Variants in NAA60 observed in about 807,000 individuals in gnomAD.
The protein encoded by NAA60 is N-alpha-acetyltransferase 60.
Under a neutral mutation model 26.1 loss-of-function variants are expected in NAA60, and 8 were observed. The observed-to-expected ratio is 0.31, with a 90% confidence interval of 0.18 to 0.55. NAA60 has a LOEUF of 0.55. Ranked by LOEUF, NAA60 falls within the 20% of genes least tolerant of loss-of-function variation. The pLI is 0.93. For missense variants in NAA60, 290 were observed against 311.3 expected, an observed-to-expected ratio of 0.93 and a Z score of 0.51; for synonymous variants, 131 against 122.5, an observed-to-expected ratio of 1.07 and a Z score of -0.46.
chr16:3,465,279 A>AG (rs1428870564), intron 2 of NAA60, among the ~76,000 whole-genome samples: 3 of 150,654 alleles, frequency 2.0e-5, no homozygotes, highest in South Asian at 2.1e-4. Flanking sequence ...AAAAAAAAAA[A>AG]AAAAGAAAAG....
At chr16:3,483,332 G>A (rs762210897) in intron 5 of NAA60, 31 bp from the exon 6 acceptor site, 1 of 1,516,104 alleles carries the variant, frequency 6.6e-7, no homozygotes, top group Non-Finnish European at 9.0e-7. Flanking sequence ...TAACTGCTCT[G>A]CCTGCATTAC....
intron 1 of NAA60, among the ~76,000 whole-genome samples, chr16:3,448,165 T>G (rs1567360050): frequency 6.6e-6 from 1 of 151,856 alleles, no homozygotes; most frequent in Non-Finnish European, 1.5e-5. Flanking sequence ...TTCCAGCTAC[T>G]TTAGAGGCTG....
intron 2 of NAA60, among the ~76,000 whole-genome samples, chr16:3,451,649 G>A (rs1285376907): frequency 1.3e-5 from 2 of 152,198 alleles, no homozygotes; most frequent in African/African-American, 4.8e-5. Flanking sequence ...CAGGTGTGGT[G>A]GCTCACACCT....
intron 2 of NAA60, among the ~76,000 whole-genome samples, chr16:3,460,667 C>A (rs2035330487): frequency 6.6e-6 from 1 of 152,152 alleles, no homozygotes; most frequent in South Asian, 2.1e-4. Context: ...ATCCAGCCCG[C>A]CCTCATGGCT....
chr16:3,465,478 A>G (rs900464218), intron 2 of NAA60, among the ~76,000 whole-genome samples: 1 of 152,044 alleles, frequency 6.6e-6, no homozygotes, highest in Non-Finnish European at 1.5e-5. Flanking sequence ...ACAAAAGGTG[A>G]GTCGTCCTTC....
intron 2 of NAA60, among the ~76,000 whole-genome samples, chr16:3,453,759 C>T (rs2034874314): frequency 6.6e-6 from 1 of 152,134 alleles, no homozygotes; most frequent in African/African-American, 2.4e-5. Context: ...AGGAAATAAT[C>T]AGAACGTATG....
rs868247411 is a variant in NAA60, at chr16:3,474,605, C to T, written c.-6-1617C>T. ...GCAGGAGGGCGGGAGCTCAGAGAGGCTGGGCTCGCCCTGCCAGTGGAGTGG... is the reference window on the plus strand; with the variant it reads ...GCAGGAGGGCGGGAGCTCAGAGAGGTTGGGCTCGCCCTGCCAGTGGAGTGG... On this transcript the variant is annotated intron_variant, in intron 2 of 7. Transcript: ENST00000407558. Among the ~76,000 whole-genome samples the T allele has an allele frequency of 1.2e-3, 184 of 152,346 alleles. 1 individual carries two copies. The highest frequency in any genetic ancestry group is 4.1e-3 in the African/African-American group (169 of 41,576).
intron 4 of NAA60, 22 bp downstream of exon 4, chr16:3,479,622 G>T (rs775129426): frequency 6.2e-7 from 1 of 1,612,246 alleles, no homozygotes; most frequent in Admixed American, 1.7e-5. Context: ...TGTGCAGTGA[G>T]GACTTGGCAG....
chr16:3,471,823 T>C (rs2036166951), intron 2 of NAA60, among the ~76,000 whole-genome samples: 1 of 152,156 alleles, frequency 6.6e-6, no homozygotes, highest in African/African-American at 2.4e-5. Context: ...TGGGCAGCCT[T>C]TCCCCCGTGC....
intron 2 of NAA60, 73 bp downstream of exon 2, chr16:3,448,613 C>G: frequency 8.2e-7 from 1 of 1,218,066 alleles, no homozygotes. Context: ...TAAGTGAAAT[C>G]CATTTTTGAC....
intron 1 of NAA60, among the ~76,000 whole-genome samples, chr16:3,446,611 T>C (rs1026023709): frequency 8.9e-5 from 12 of 134,626 alleles, no homozygotes; most frequent in African/African-American, 3.1e-4. Flanking sequence ...ATTTACTCTT[T>C]ATTATTTGTT....
intron 4 of NAA60, among the ~76,000 whole-genome samples, chr16:3,482,298 G>A (rs928909143): frequency 6.6e-6 from 1 of 152,170 alleles, no homozygotes; most frequent in Non-Finnish European, 1.5e-5. Flanking sequence ...CTTCTTTTCA[G>A]CTGTTTTTCA....
intron 2 of NAA60, among the ~76,000 whole-genome samples, chr16:3,465,266 CAAAA>C (rs529847098): frequency 3.4e-5 from 3 of 87,672 alleles, no homozygotes; most frequent in Admixed American, 1.2e-4. Context: ...GACTCTGTCT[CAAAA>C]AAAAAAAAAA....
intron 2 of NAA60, 22 bp from the exon 3 acceptor site, chr16:3,476,200 T>TG: frequency 2.2e-4 from 334 of 1,540,164 alleles, no homozygotes; most frequent in Non-Finnish European, 2.8e-4. Flanking sequence ...AGGTGACGCG[T>TG]CCCCCCCACC....
intron 2 of NAA60, among the ~76,000 whole-genome samples, chr16:3,463,435 C>G (rs1354926143): frequency 2.7e-5 from 4 of 150,512 alleles, no homozygotes; most frequent in Non-Finnish European, 5.9e-5. Flanking sequence ...TCTGTACTGT[C>G]AGCTACTTGC....
At position 3,445,274 on chromosome 16, in the gene NAA60, C is replaced by CTTTTTTTTTTT. The variant is rs1452284919; in HGVS notation, c.-77+1438_-77+1439insTTTTTTTTTTT. ...CTTTCCCTTCTTGGTTTGTGCTTAT[C>CTTTTTTTTTTT]TCTTTTTTTTTTTTTTTTTTGAGAC... On this transcript the variant is annotated intron_variant, in intron 1 of 7. Coordinates refer to ENST00000407558, the MANE Select transcript of NAA60 (RefSeq NM_001083601.3). 4.8e-5 allele frequency among the ~76,000 whole-genome samples: 6 copies of CTTTTTTTTTTT among 125,532 alleles called. 1 individual carries two copies. Among genetic ancestry groups the CTTTTTTTTTTT allele is most frequent in the Non-Finnish European group, 6.5e-5 (4 of 61,858 alleles). 82.4% of individuals were successfully genotyped at this position (125,532 alleles called of 152,430 possible).
In NAA60 at chr16:3,484,949, G is replaced by C. The variant is rs750561906; in HGVS notation, c.*94G>C. On this transcript the variant is annotated 3_prime_UTR_variant, in exon 7 of 8. Transcript: ENST00000407558. ...TGACCCCTTCTGTTTTCTGCAAGGA[G>C]CTGCCAGCCATCTAACTGGGCTCGT... The C allele has an allele frequency of 2.1e-5, 33 of 1,536,248 alleles. No individual in the cohort carries two copies. The South Asian group carries it at 3.5e-4, about 16-fold the overall frequency.
chr16:3,473,886 C>T (rs868564790), intron 2 of NAA60, among the ~76,000 whole-genome samples: 1 of 152,048 alleles, frequency 6.6e-6, no homozygotes, highest in South Asian at 2.1e-4. Flanking sequence ...AGGCACCTGC[C>T]ATCATGCCTG....
At chr16:3,475,802 A>T (rs1434135764) in intron 2 of NAA60, among the ~76,000 whole-genome samples, 1 of 152,234 alleles carries the variant, frequency 6.6e-6, no homozygotes, top group Non-Finnish European at 1.5e-5. Context: ...AAGGGGGATG[A>T]GGCATGGGGG....
Sources: gnomAD v4.1 joint callset for allele counts (sites outside exome capture counted in the v4.1 genomes callset) on GRCh38, gnomAD v4.1.1 for gene constraint, MANE v1.5 for transcripts, NCBI Gene and HGNC (gene_info 2026-07-23, HGNC 2026-07-21) for gene names.